SLC48A1: variants seen among roughly 807,000 people sequenced by gnomAD.
The protein encoded by SLC48A1 is heme transporter HRG1.
SLC48A1 carries 6 observed loss-of-function variants against 14.8 expected under a neutral mutation model. The ratio of observed to expected loss-of-function variants is 0.41; its 90% confidence interval spans 0.22 to 0.80. The LOEUF (loss-of-function observed/expected upper bound fraction) is 0.80. Ranked by LOEUF, SLC48A1 falls within the 30% of genes least tolerant of loss-of-function variation. The probability of loss-of-function intolerance (pLI) is 0.34; values close to 1 mark genes in which losing one functional copy is unlikely to be tolerated. For missense variants in SLC48A1, 165 were observed against 204.8 expected (o/e 0.81, Z 1.19); for synonymous variants, 89 against 90.0 (o/e 0.99, Z 0.06).
upstream of SLC48A1, chr12:47,758,462 C>A: frequency 6.3e-7 from 1 of 1,586,916 alleles, no homozygotes; most frequent in Non-Finnish European, 8.6e-7. Context: ...CCTGACTAAC[C>A]CTCCCTCTCC....
upstream of SLC48A1, among the ~76,000 whole-genome samples, chr12:47,770,022 C>G (rs1481364293): frequency 6.6e-6 from 1 of 152,136 alleles, no homozygotes; most frequent in South Asian, 2.1e-4. Flanking sequence ...TATTTTCTTC[C>G]AGGCAGAAAG....
upstream of SLC48A1, chr12:47,758,271 G>A (rs1485324827): frequency 8.4e-6 from 12 of 1,431,816 alleles, no homozygotes; most frequent in Non-Finnish European, 1.1e-5. Flanking sequence ...GGCGCACTTA[G>A]GGGTCTCCAG....
chr12:47,773,564 A>G, intron 1 of SLC48A1, 124 bp downstream of exon 1: 1 of 1,213,120 alleles, frequency 8.2e-7, no homozygotes, highest in Non-Finnish European at 1.0e-6. Context: ...TTTACTCGAA[A>G]ACAGCGGTTG....
chr12:47,779,109 G>T lies in SLC48A1; in HGVS notation c.218G>T (p.Gly73Val), dbSNP rs1942809991. 2 of 1,551,844 alleles carry T rather than the reference G, an allele frequency of 1.3e-6. No homozygotes were observed. The highest frequency in any genetic ancestry group is 1.2e-5 in the South Asian group (1 of 84,042). The change falls in exon 2 of 3, where the codon GGC becomes GTC. Residue 73 changes from glycine (G) to valine (V), a missense_variant. Physicochemically the swap from Gly to Val is moderately radical, Grantham distance 109. Coordinates refer to ENST00000442218, the MANE Select transcript of SLC48A1 (RefSeq NM_017842.3). Reference sequence around the variant, plus strand: ...AGGACCTGGCTCAAGGGGCTGCGCGGCTTCTTCTTCGTGGGCGTCCTCTTC... The same window carrying T: ...AGGACCTGGCTCAAGGGGCTGCGCGTCTTCTTCTTCGTGGGCGTCCTCTTC... ...YWRTWLKGLR[G>V]FFFVGVLFSA...
chr12:47,760,220 T>A, exon 2 of SLC48A1: 1 of 985,488 alleles, frequency 1.0e-6, no homozygotes, highest in Non-Finnish European at 1.2e-6. Context: ...CCCCAGGTCA[T>A]CTGCTGTGTC....
intron 2 of SLC48A1, among the ~76,000 whole-genome samples, chr12:47,766,416 T>G (rs373057205): frequency 1.1e-3 from 174 of 152,232 alleles, no homozygotes; most frequent in African/African-American, 3.4e-3. Context: ...TCAGCCCCAT[T>G]TGTCCCCAGG....
chr12:47,757,995 GGCTCCCACCCGCGGT>G (rs773510418), upstream of SLC48A1: 1 of 1,573,214 alleles, frequency 6.4e-7, no homozygotes, highest in Non-Finnish European at 8.6e-7. Context: ...CGTCAGGGAG[GGCTCCCACCCGCGGT>G]GCTCCCAGAG....
exon 1 of SLC48A1, chr12:47,758,602 T>C: frequency 6.2e-7 from 1 of 1,612,392 alleles, no homozygotes; most frequent in Non-Finnish European, 8.5e-7. Flanking sequence ...AGCAAAAGGC[T>C]GGGGGGTCCC....
intron 1 of SLC48A1, chr12:47,758,897 G>A: frequency 9.0e-7 from 1 of 1,109,964 alleles, no homozygotes; most frequent in Non-Finnish European, 1.1e-6. Context: ...GGTCCGGGCG[G>A]GAGCTGTCAC....
chr12:47,760,371 A>T (rs10875690), exon 2 of SLC48A1: 119,468 of 985,284 alleles, frequency 0.12, 8,593 homozygotes, highest in East Asian at 0.37. Context: ...CTGGAAACTG[A>T]CAGGAAAGGA....
At chr12:47,760,511 G>C (rs1374818903) in intron 2 of SLC48A1, 1 of 564,844 alleles carries the variant, frequency 1.8e-6, no homozygotes, top group Non-Finnish European at 2.2e-6. Flanking sequence ...TGGCAGTTGG[G>C]TCACAAAGGG....
At chr12:47,758,386 C>G, upstream of SLC48A1, 1 of 1,516,092 alleles carries the variant, frequency 6.6e-7, no homozygotes, top group Non-Finnish European at 8.9e-7. Context: ...CAGTATGAAG[C>G]TATAGATTCA....
At chr12:47,757,360 C>T (rs1942134872), upstream of SLC48A1, among the ~76,000 whole-genome samples, 1 of 152,188 alleles carries the variant, frequency 6.6e-6, no homozygotes. Flanking sequence ...CAGAATCCTT[C>T]CCTGAGCCCC....
chr12:47,773,481 TGCGGGGCGGGC>T, intron 1 of SLC48A1, 41 bp downstream of exon 1: 1 of 1,290,452 alleles, frequency 7.7e-7, no homozygotes, highest in Non-Finnish European at 9.9e-7. Context: ...GGTGCGCGGC[TGCGGGGCGGGC>T]GCCGTCAGCT....
At chr12:47,765,902 G>A (rs1171187113) in intron 2 of SLC48A1, among the ~76,000 whole-genome samples, 1 of 151,342 alleles carries the variant, frequency 6.6e-6, no homozygotes, top group Non-Finnish European at 1.5e-5. Context: ...CTCCTGCCAT[G>A]GCTTTTTCTC....
chr12:47,774,030 T>C (rs1565780387), intron 1 of SLC48A1, among the ~76,000 whole-genome samples: 1 of 152,218 alleles, frequency 6.6e-6, no homozygotes, highest in Admixed American at 6.5e-5. Context: ...AGGGATCTCA[T>C]AGAAACTGGA....
chr12:47,775,393 G>A (rs1021187536), intron 1 of SLC48A1, among the ~76,000 whole-genome samples: 2 of 152,330 alleles, frequency 1.3e-5, no homozygotes, highest in Admixed American at 6.5e-5. Context: ...GCAGCAGCTC[G>A]CTAGGGCAGC....
At chr12:47,758,030 C>T, upstream of SLC48A1, 4 of 1,577,068 alleles carry the variant, frequency 2.5e-6, no homozygotes, top group Non-Finnish European at 3.4e-6. Flanking sequence ...GCTGGGCTAT[C>T]CTCCACAGCC....
Position 47,780,658 on chromosome 12 carries a change from C to T in SLC48A1, c.*377C>T, listed in dbSNP as rs1203691564. 2 of 415,010 alleles carry T rather than the reference C, an allele frequency of 4.8e-6. No homozygotes were observed. Among genetic ancestry groups the T allele is most frequent in the Non-Finnish European group, 9.5e-6 (2 of 211,578 alleles). The allele number at this position is 415,010 out of a possible 1,614,324, so 25.7% of individuals were successfully genotyped here. A position where few individuals can be genotyped will look rare whatever the true frequency, so the allele number is the denominator to read the frequency against. ...CTCAGCTCACTGCAACCTCCGCCTC[C>T]CAGGTTCAAGCAATTCTCCTGCCTT... is the stretch of plus-strand genomic sequence containing the variant. On this transcript the variant is annotated 3_prime_UTR_variant, in exon 3 of 3. Coordinates refer to ENST00000442218, the MANE Select transcript of SLC48A1 (RefSeq NM_017842.3).
Sources: allele counts gnomAD v4.1 joint callset (sites outside exome capture counted in the v4.1 genomes callset), GRCh38; gene constraint gnomAD v4.1.1; transcripts MANE v1.5; gene names NCBI Gene and HGNC (gene_info 2026-07-23, HGNC 2026-07-21).